Variants in AHRR observed in about 807,000 individuals in gnomAD.
AHRR encodes the protein aryl hydrocarbon receptor repressor.
In AHRR, 28 loss-of-function variants were observed where a neutral mutation model predicts 44.0. The observed-to-expected ratio is 0.64, with a 90% CI of 0.47 to 0.87. AHRR has a LOEUF of 0.87. AHRR is among the 40% of genes least tolerant of loss of function. The pLI is 0.00. For synonymous variants in AHRR, 434 were observed against 407.0 expected (o/e 1.07, Z -0.80); for missense variants, 990 against 953.9 (o/e 1.04, Z -0.50).
At chr5:413,312 G>A (rs1029613955) in intron 4 of AHRR, 32 bp from the exon 5 acceptor site, 10 of 1,428,442 alleles carry the variant, frequency 7.0e-6, no homozygotes, top group Admixed American at 4.3e-5. Context: ...GAGCCAATTC[G>A]ATTTTTTTTT....
Position 433,902 on chromosome 5 carries a change from A to T in AHRR, c.1162A>T (p.Thr388Ser). ...HRMLSRASGV[T>S]GRRETPGPTK... ...GATGCTGAGCAGGGCCTCTGGAGTG[A>T]CAGGGCGGAGGGAGACTCCAGGACC... is the stretch of plus-strand genomic sequence containing the variant. Residue 388 changes from threonine to serine, a missense_variant, in exon 11 of 11, where the codon ACA (threonine) becomes TCA (serine). Thr to Ser is a moderately conservative substitution (Grantham distance 58). Coordinates refer to ENST00000684583, the MANE Select transcript of AHRR (RefSeq NM_001377236.1). The T allele has an allele frequency of 6.6e-7, 1 of 1,520,034 alleles. No individual in the cohort carries two copies. The highest frequency in any genetic ancestry group is 8.8e-7 in the Non-Finnish European group (1 of 1,135,934). 94.2% of individuals were successfully genotyped at this position (1,520,034 alleles called of 1,614,324 possible).
intron 2 of AHRR, among the ~76,000 whole-genome samples, chr5:352,625 CTG>C (rs1385110616): frequency 2.3e-5 from 3 of 127,930 alleles, no homozygotes; most frequent in African/African-American, 8.7e-5. Flanking sequence ...GATGGTCACT[CTG>C]AGGTTAAATA....
At position 423,845 on chromosome 5, in the gene AHRR, T is replaced by A; in HGVS notation, c.576T>A (p.Asp192Glu). ...CTTGGCCCCTATGGTCTGCAGGAGA[T>A]GATGCTATCCTGGGGAGGCTGCTCA... ...FGQPPPLETG[D>E]DAILGRLLRA... Residue 192 changes from aspartate to glutamate, a missense_variant, in exon 7 of 11, where the codon GAT becomes GAA. Transcript: ENST00000684583. 1 of 1,601,998 alleles carries A rather than the reference T, an allele frequency of 6.2e-7. No individual in the cohort carries two copies.
intron 7 of AHRR, among the ~76,000 whole-genome samples, chr5:426,740 T>C (rs1362586390): frequency 6.9e-6 from 1 of 145,584 alleles, no homozygotes; most frequent in African/African-American, 2.6e-5. Context: ...GGTGGATGGA[T>C]GGATGGATGG....
chr5:432,277 G>T (rs575682987), intron 8 of AHRR, 186 bp from the exon 9 acceptor site: 10 of 595,500 alleles, frequency 1.7e-5, no homozygotes, highest in African/African-American at 1.7e-4. Context: ...CAGTAAACCT[G>T]TAACTGAGAA....
At position 395,739 on chromosome 5, in the gene AHRR, C is replaced by T. The variant is rs1459463098; in HGVS notation, c.352-17605C>T. Among the ~76,000 whole-genome samples, 1 of 152,226 alleles carries T rather than the reference C, an allele frequency of 6.6e-6. No homozygotes were observed. The highest frequency in any genetic ancestry group is 2.4e-5 in the African/African-American group (1 of 41,448). On this transcript the variant is annotated intron_variant, in intron 4 of 10. Transcript: ENST00000684583. This position sits in a 1 kb window ranked among gnomAD's most constrained non-coding sequence, Gnocchi z 5.3. ...TTGAAATTTAACAAGTGGGGAGACA[C>T]TCCTCCGCCACAGGCTGCTGTCCTA... is the stretch of plus-strand genomic sequence containing the variant.
At chr5:390,554 A>G (rs2126468789) in intron 4 of AHRR, among the ~76,000 whole-genome samples, 1 of 152,300 alleles carries the variant, frequency 6.6e-6, no homozygotes, top group African/African-American at 2.4e-5. Context: ...TCTTTCCATG[A>G]GTAAAGGAAA....
At chr5:432,119 G>A (rs866978242) in intron 8 of AHRR, 1 of 312,526 alleles carries the variant, frequency 3.2e-6, no homozygotes, top group Non-Finnish European at 6.1e-6. Context: ...ATAACTACCT[G>A]GAGTCATGAG....
intron 7 of AHRR, chr5:427,568 G>A (rs1325791992): frequency 1.1e-5 from 17 of 1,583,166 alleles, no homozygotes; most frequent in East Asian, 4.5e-5. Context: ...GGCCGTCGCC[G>A]CGGCTCCAGA....
intron 5 of AHRR, among the ~76,000 whole-genome samples, chr5:417,455 T>C (rs1208694888): frequency 1.3e-5 from 2 of 152,222 alleles, no homozygotes; most frequent in Admixed American, 1.3e-4. Flanking sequence ...TTGGTCTGTA[T>C]GTGCAGGGCC....
At position 405,684 on chromosome 5, in the gene AHRR, G is replaced by C. The variant is rs142275468; in HGVS notation, c.352-7660G>C. The stretch of plus-strand genomic sequence containing the variant: ...CGCCGGCACCTGACCCAGCAGCCTT[G>C]TCCCACCGCCTGCGACCACCAGCTC... On this transcript the variant is annotated intron_variant, in intron 4 of 10. Transcript: ENST00000684583. This position sits in a 1 kb window ranked among gnomAD's most constrained non-coding sequence, Gnocchi z 4.5. Among the ~76,000 whole-genome samples, 1,041 of 152,292 alleles carry C rather than the reference G, an allele frequency of 6.8e-3. 7 individuals carry two copies. The highest frequency in any genetic ancestry group is 0.024 in the African/African-American group (991 of 41,568).
intron 4 of AHRR, among the ~76,000 whole-genome samples, chr5:396,382 G>T (rs1328859799): frequency 1.3e-5 from 2 of 152,160 alleles, no homozygotes; most frequent in African/African-American, 4.8e-5. Flanking sequence ...CATGGCTGGG[G>T]TCTGTGTGTC....
intron 5 of AHRR, chr5:421,147 G>A (rs1736092167): frequency 5.3e-6 from 3 of 568,874 alleles, no homozygotes; most frequent in Non-Finnish European, 6.2e-6. Flanking sequence ...AAGAGGAGCC[G>A]CCCCGCCTGG....
At chr5:345,963 A>G (rs1742657989) in intron 2 of AHRR, among the ~76,000 whole-genome samples, 1 of 152,186 alleles carries the variant, frequency 6.6e-6, no homozygotes, top group African/African-American at 2.4e-5. Flanking sequence ...GTTTGCGGCC[A>G]AGGCCTCGCA....
At position 342,645 on chromosome 5, in the gene AHRR, T is replaced by G. The variant is rs1248518421; in HGVS notation, c.-10-1248T>G. 6.6e-6 allele frequency among the ~76,000 whole-genome samples: 1 copy of G among 152,232 alleles called. No individual in the cohort carries two copies. The highest frequency in any genetic ancestry group is 1.5e-5 in the Non-Finnish European group (1 of 68,036). Reference sequence around the variant, plus strand: ...GCCTCCTCTTCCAGGCTACACTCACTTCAGGTCAGGTGAGGGCTCCTTAAC... The same window carrying G: ...GCCTCCTCTTCCAGGCTACACTCACGTCAGGTCAGGTGAGGGCTCCTTAAC... On this transcript the variant is annotated intron_variant, in intron 1 of 10. Transcript: ENST00000684583. The surrounding 1 kb of genome is among the most constrained non-coding windows in gnomAD (Gnocchi z 4.3).
chr5:380,983 G>A (rs1358114427), intron 4 of AHRR, among the ~76,000 whole-genome samples: 1 of 152,236 alleles, frequency 6.6e-6, no homozygotes, highest in Non-Finnish European at 1.5e-5. Context: ...GAGCCCCCAG[G>A]AGGCCACTGG....
rs183715866 is a variant in AHRR at position 435,944 on chromosome 5, G to A, written c.*1110G>A. ...CCAACCCGAGAACCTACAGCTGATG[G>A]TGCATTTCAGGCTTCTTCCACGGTC... On this transcript the variant is annotated 3_prime_UTR_variant, in exon 11 of 11. Coordinates refer to ENST00000684583, the MANE Select transcript of AHRR (RefSeq NM_001377236.1). The A allele has an allele frequency of 1.3e-5, 2 of 152,896 alleles. No homozygotes were observed. Among genetic ancestry groups the A allele is most frequent in the African/African-American group, 4.8e-5 (2 of 41,566 alleles). 9.5% of individuals were successfully genotyped at this position (152,896 alleles called of 1,614,324 possible).
chr5:375,660 G>A (rs948308012), intron 3 of AHRR, among the ~76,000 whole-genome samples: 2 of 152,230 alleles, frequency 1.3e-5, no homozygotes, highest in African/African-American at 4.8e-5. Flanking sequence ...TCCGGGAGAC[G>A]CGGGAGCAGC....
intron 2 of AHRR, among the ~76,000 whole-genome samples, chr5:345,563 G>GAT (rs1742638280): frequency 1.5e-5 from 2 of 137,460 alleles, no homozygotes; most frequent in African/African-American, 2.7e-5. Context: ...TGTGTGTGGG[G>GAT]ATGTGTGGGT....
Sources: gnomAD v4.1 joint callset for allele counts (sites outside exome capture counted in the v4.1 genomes callset) on GRCh38, gnomAD v4.1.1 for gene constraint, Gnocchi (gnomAD v3.1) non-coding constraint, MANE v1.5 for transcripts, NCBI Gene and HGNC (gene_info 2026-07-23, HGNC 2026-07-21) for gene names.